The following MYL1 variants were observed in gnomAD, a reference collection of about 807,000 sequenced individuals.
MYL1 encodes the protein myosin light chain 1/3, skeletal muscle isoform.
In MYL1, 16 loss-of-function variants were observed where a neutral mutation model predicts 21.8. The observed-to-expected ratio is 0.74, with a 90% CI of 0.50 to 1.12. MYL1 has a LOEUF of 1.12. Ranked by LOEUF, MYL1 falls within the 50% of genes most tolerant of loss-of-function variation. The probability of loss-of-function intolerance (pLI) is 0.00; values close to 1 mark genes in which losing one functional copy is unlikely to be tolerated. For synonymous variants in MYL1, 99 were observed against 85.2 expected (o/e 1.16, Z -0.89); for missense variants, 246 against 241.0 (o/e 1.02, Z -0.14).
rs1271106522 is a variant in MYL1 at position 210,291,138 on chromosome 2, G to A, written c.557-64C>T. On this transcript the variant is annotated intron_variant, in intron 5 of 6. Coordinates refer to ENST00000352451, the MANE Select transcript of MYL1 (RefSeq NM_079420.3). The stretch of plus-strand genomic sequence containing the variant: ...TAGGAAACAGTCAAATTTAATAAAA[G>A]AGAGGTTTAATGAGTTAGCTCAATC... 5.1e-6 allele frequency: 7 copies of A among 1,359,394 alleles called. No homozygotes were observed. The Admixed American group carries it at 9.0e-5, about 17-fold the overall frequency. The allele number at this position is 1,359,394 out of a possible 1,614,324, so 84.2% of individuals were successfully genotyped here.
intron 1 of MYL1, among the ~76,000 whole-genome samples, chr2:210,309,824 G>A (rs1690392450): frequency 6.6e-6 from 1 of 151,852 alleles, no homozygotes; most frequent in Admixed American, 6.6e-5. Context: ...GTCACTTTAT[G>A]GTCTCTTTGT....
At chr2:210,291,124 C>G (rs1187868723) in intron 5 of MYL1, 50 bp from the exon 6 acceptor site, 14 of 1,460,522 alleles carry the variant, frequency 9.6e-6, no homozygotes, top group African/African-American at 1.4e-5. Context: ...AGGAAACAGT[C>G]AAATTTAATA....
At chr2:210,311,722 T>C (rs1259068973) in intron 1 of MYL1, among the ~76,000 whole-genome samples, 1 of 152,054 alleles carries the variant, frequency 6.6e-6, no homozygotes, top group Admixed American at 6.6e-5. Context: ...CAATGCATAT[T>C]CTTGTTTTTG....
rs1690451280 is a variant in MYL1 at position 210,313,843 on chromosome 2, A to C, written c.132+1068T>G. Among the ~76,000 whole-genome samples, 5 of 152,250 alleles carry C rather than the reference A, an allele frequency of 3.3e-5. No homozygotes were observed. The South Asian group carries it at 1.0e-3, about 32-fold the overall frequency. ...AAATGTTTGTTTATGGGTCAGCATC[A>C]TAGTTACAAGTAAACAATGGTAAAT... On this transcript the variant is annotated intron_variant, in intron 1 of 6. Coordinates refer to ENST00000352451, the MANE Select transcript of MYL1 (RefSeq NM_079420.3).
chr2:210,302,370 G>T, intron 2 of MYL1, 118 bp downstream of exon 2: 1 of 868,310 alleles, frequency 1.2e-6, no homozygotes, highest in South Asian at 2.4e-5. Context: ...TTTATATTCA[G>T]AATGGCAACA....
At chr2:210,292,670 T>G (rs1490474612) in intron 5 of MYL1, among the ~76,000 whole-genome samples, 1 of 152,198 alleles carries the variant, frequency 6.6e-6, no homozygotes, top group Non-Finnish European at 1.5e-5. Flanking sequence ...CGTCTGGTTT[T>G]TGTGTCACTG....
chr2:210,311,087 G>C (rs1221756041), intron 1 of MYL1, among the ~76,000 whole-genome samples: 2 of 152,152 alleles, frequency 1.3e-5, no homozygotes, highest in South Asian at 2.1e-4. Flanking sequence ...ACATGGCAAA[G>C]AGCAAATTCA....
chr2:210,302,320 T>C (rs143278575), intron 2 of MYL1, among the ~76,000 whole-genome samples, 168 bp downstream of exon 2: 1 of 152,188 alleles, frequency 6.6e-6, no homozygotes, highest in Non-Finnish European at 1.5e-5. Flanking sequence ...AGCAAGGGTT[T>C]CAGATTGAGC....
chr2:210,301,068 C>T (rs1371071054), intron 2 of MYL1, among the ~76,000 whole-genome samples: 3 of 152,028 alleles, frequency 2.0e-5, no homozygotes, highest in African/African-American at 7.2e-5. Flanking sequence ...TCATTGAGTC[C>T]TTGCAAGGGT....
Position 210,293,707 on chromosome 2 carries a change from T to TG in MYL1, c.556+15dup, listed in dbSNP as rs758109445. The TG allele has an allele frequency of 6.2e-7, 1 of 1,611,034 alleles. No individual in the cohort carries two copies. The highest frequency in any genetic ancestry group is 1.1e-5 in the South Asian group (1 of 90,996). The stretch of plus-strand genomic sequence containing the variant: ...AGTTAAGAGTTGCTGTAACCACCAG[T>TG]GAGCATTGATTCTACCTTCGTAGTT... On this transcript the variant is annotated intron_variant, in intron 5 of 6. Transcript: ENST00000352451.
At chr2:210,291,736 T>G (rs1415999520) in intron 5 of MYL1, among the ~76,000 whole-genome samples, 2 of 152,192 alleles carry the variant, frequency 1.3e-5, no homozygotes, top group Non-Finnish European at 2.9e-5. Flanking sequence ...GACATTCGAT[T>G]GTTTTCACAT....
At chr2:210,302,368 C>T in intron 2 of MYL1, 120 bp downstream of exon 2, 1 of 849,030 alleles carries the variant, frequency 1.2e-6, no homozygotes, top group Non-Finnish European at 1.7e-6. Flanking sequence ...AATTTATATT[C>T]AGAATGGCAA....
At chr2:210,292,390 T>C (rs528338754) in intron 5 of MYL1, among the ~76,000 whole-genome samples, 1 of 116,630 alleles carries the variant, frequency 8.6e-6, no homozygotes, top group South Asian at 3.0e-4. Flanking sequence ...TAGTTTTAAT[T>C]TGCTTTTTAA....
chr2:210,308,399 A>ATATATATATATATAT (rs1690369950), intron 1 of MYL1, among the ~76,000 whole-genome samples: 1 of 84,764 alleles, frequency 1.2e-5, no homozygotes, highest in African/African-American at 5.4e-5. Flanking sequence ...TACTTAGGCT[A>ATATATATATATATAT]ATATATATAT....
intron 1 of MYL1, among the ~76,000 whole-genome samples, chr2:210,304,073 G>T (rs866399473): frequency 6.6e-5 from 10 of 152,294 alleles, no homozygotes; most frequent in Middle Eastern, 3.4e-3. Flanking sequence ...GAAGTGTACT[G>T]TCCTTTATGG....
chr2:210,304,282 T>A (rs986894182), intron 1 of MYL1, among the ~76,000 whole-genome samples: 5 of 152,236 alleles, frequency 3.3e-5, no homozygotes, highest in African/African-American at 9.6e-5. Context: ...GTTATTTTCT[T>A]CCCTCCTTGT....
At chr2:210,303,765 G>T (rs1156599453) in intron 1 of MYL1, 2 of 436,634 alleles carry the variant, frequency 4.6e-6, no homozygotes, top group Non-Finnish European at 7.8e-6. Context: ...TACCCTGAGA[G>T]CTATTTTTAG....
At chr2:210,295,719 T>G (rs905930436) in intron 3 of MYL1, among the ~76,000 whole-genome samples, 1 of 150,036 alleles carries the variant, frequency 6.7e-6, no homozygotes, top group African/African-American at 2.5e-5. Context: ...CCCAGCACTT[T>G]GGGAGGCTAA....
intron 5 of MYL1, 109 bp downstream of exon 5, chr2:210,293,614 G>A (rs969015960): frequency 4.5e-5 from 37 of 815,620 alleles, no homozygotes; most frequent in Non-Finnish European, 7.2e-5. Flanking sequence ...GCAATTGATT[G>A]TCATATGTAT....
Sources: allele counts gnomAD v4.1 joint callset (sites outside exome capture counted in the v4.1 genomes callset), GRCh38; gene constraint gnomAD v4.1.1; transcripts MANE v1.5; gene names NCBI Gene and HGNC (gene_info 2026-07-23, HGNC 2026-07-21).